Variants in TUSC3 observed in about 807,000 individuals in gnomAD.
The protein encoded by TUSC3 is dolichyl-diphosphooligosaccharide--protein glycosyltransferase subunit TUSC3.
In TUSC3, 45 loss-of-function variants were observed where a neutral mutation model predicts 44.8. The observed-to-expected ratio is 1.00, with a 90% confidence interval of 0.79 to 1.29. The LOEUF (loss-of-function observed/expected upper bound fraction) is 1.29, where lower values mean the gene tolerates loss of function less well. Among genes scored for constraint, TUSC3 ranks in the 50% most tolerant of loss-of-function variants. The probability of loss-of-function intolerance (pLI) is 0.00; values close to 1 mark genes in which losing one functional copy is unlikely to be tolerated. For synonymous variants in TUSC3, 212 were observed against 152.9 expected, an observed-to-expected ratio of 1.39 and a Z score of -2.85; for missense variants, 519 against 437.9, an observed-to-expected ratio of 1.19 and a Z score of -1.65.
intron 7 of TUSC3, among the ~76,000 whole-genome samples, chr8:15,738,827 C>CTTTCTT (rs1811047839): frequency 1.1e-5 from 1 of 87,172 alleles, no homozygotes; most frequent in South Asian, 3.8e-4. Flanking sequence ...ATATATCTTG[C>CTTTCTT]TTTTTTTTTT....
intron 1 of TUSC3, among the ~76,000 whole-genome samples, chr8:15,550,016 T>C (rs983339700): frequency 1.3e-5 from 2 of 151,672 alleles, no homozygotes; most frequent in African/African-American, 2.4e-5. Context: ...GAGAGGGTCA[T>C]GATCGATTGA....
chr8:15,617,384 C>T (rs191947539), intron 1 of TUSC3, among the ~76,000 whole-genome samples: 4 of 151,960 alleles, frequency 2.6e-5, no homozygotes, highest in East Asian at 1.9e-4. Flanking sequence ...TTGATCTGCC[C>T]GCCTAGGCTT....
intron 2 of TUSC3, among the ~76,000 whole-genome samples, chr8:15,530,021 G>T (rs543057949): frequency 7.7e-6 from 1 of 130,406 alleles, no homozygotes; most frequent in Admixed American, 7.5e-5. Flanking sequence ...TCCTGACCTC[G>T]TGATCCACCC....
chr8:15,445,610 G>C (rs1386250697), intron 1 of TUSC3, among the ~76,000 whole-genome samples: 1 of 152,212 alleles, frequency 6.6e-6, no homozygotes, highest in Non-Finnish European at 1.5e-5. Flanking sequence ...CACAGCACAT[G>C]TTTCAGAGAG....
intron 7 of TUSC3, 91 bp from the exon 8 acceptor site, chr8:15,743,444 AGTT>A: frequency 8.1e-7 from 1 of 1,230,826 alleles, no homozygotes; most frequent in East Asian, 2.3e-5. Context: ...GTGCATTTGT[AGTT>A]TAACCATTCT....
chr8:15,634,530 A>C (rs1805975127), intron 2 of TUSC3, among the ~76,000 whole-genome samples: 1 of 152,144 alleles, frequency 6.6e-6, no homozygotes, highest in Non-Finnish European at 1.5e-5. Flanking sequence ...CACTTCCATA[A>C]ATTCCGTCTT....
chr8:15,754,265 G>A (rs73197198), intron 9 of TUSC3, among the ~76,000 whole-genome samples: 1 of 151,932 alleles, frequency 6.6e-6, no homozygotes, highest in African/African-American at 2.4e-5. Context: ...AGAACATTAG[G>A]CTGTACAATA....
At chr8:15,706,838 G>C (rs926467497) in intron 6 of TUSC3, among the ~76,000 whole-genome samples, 3 of 151,850 alleles carry the variant, frequency 2.0e-5, no homozygotes, top group Admixed American at 6.6e-5. Context: ...ATGTATTTCA[G>C]CTATCAACTT....
chr8:15,541,157 A>T (rs1159288045), intron 1 of TUSC3, among the ~76,000 whole-genome samples: 1 of 152,246 alleles, frequency 6.6e-6, no homozygotes, highest in African/African-American at 2.4e-5. Context: ...CGTTGAACTC[A>T]GTGTATACTT....
At chr8:15,699,455 C>T (rs1244299933) in intron 6 of TUSC3, among the ~76,000 whole-genome samples, 1 of 152,142 alleles carries the variant, frequency 6.6e-6, no homozygotes, top group Non-Finnish European at 1.5e-5. Flanking sequence ...TTAGTGTCCA[C>T]CTGTCAGTAT....
intron 6 of TUSC3, among the ~76,000 whole-genome samples, chr8:15,729,417 A>G (rs1810624057): frequency 6.6e-6 from 1 of 152,108 alleles, no homozygotes. Context: ...AATTTTTCTA[A>G]GTCTCAGTTT....
At chr8:15,617,140 T>TGTGTGTGTGTGTGTGTGTA (rs1563136021) in intron 1 of TUSC3, among the ~76,000 whole-genome samples, 69 of 8,136 alleles carry the variant, frequency 8.5e-3, no homozygotes, top group African/African-American at 0.013. Context: ...GTGTATATAT[T>TGTGTGTGTGTGTGTGTGTA]TTTTTTTTTT....
intron 1 of TUSC3, among the ~76,000 whole-genome samples, chr8:15,427,912 G>C (rs1258347944): frequency 1.3e-5 from 2 of 152,002 alleles, no homozygotes; most frequent in African/African-American, 4.8e-5. Context: ...ATTCCATTGT[G>C]AGTTGATTTT....
At chr8:15,552,571 T>C (rs59661964) in intron 1 of TUSC3, among the ~76,000 whole-genome samples, 3,648 of 151,736 alleles carry the variant, frequency 0.024, 177 homozygotes, top group African/African-American at 0.082. Context: ...ACAGCACTGG[T>C]AAAGGTCCAG....
intron 1 of TUSC3, among the ~76,000 whole-genome samples, chr8:15,605,882 C>A (rs968058869): frequency 6.6e-6 from 1 of 151,950 alleles, no homozygotes; most frequent in African/African-American, 2.4e-5. Flanking sequence ...AGCTGCATTC[C>A]GTTGCTATTA....
chr8:15,650,559 AT>A (rs1403665621), intron 2 of TUSC3, 137 bp from the exon 3 acceptor site: 20 of 681,140 alleles, frequency 2.9e-5, no homozygotes, highest in South Asian at 7.5e-5. Context: ...TTAAAAAAAA[AT>A]ATTTTAAAAA....
At chr8:15,596,096 T>C (rs1054435328) in intron 1 of TUSC3, among the ~76,000 whole-genome samples, 1 of 152,252 alleles carries the variant, frequency 6.6e-6, no homozygotes, top group Non-Finnish European at 1.5e-5. Context: ...ATTTATTTTC[T>C]CAGAATGAGT....
Position 15,485,650 on chromosome 8 carries a change from C to T in TUSC3, n.189+2167C>T, listed in dbSNP as rs554081114. On this transcript the variant is annotated intron_variant and non_coding_transcript_variant, in intron 2 of 5. Transcript: ENST00000503191. ...TCTATCTCTACTCCAAAACCACATGCGTCAGTGCAGGGAAGAGTATGTGTT... is the reference window on the plus strand; with the variant it reads ...TCTATCTCTACTCCAAAACCACATGTGTCAGTGCAGGGAAGAGTATGTGTT... 1.1e-4 allele frequency among the ~76,000 whole-genome samples: 16 copies of T among 152,032 alleles called. No homozygotes were observed. The South Asian group carries it at 2.1e-3, about 20-fold the overall frequency.
chr8:15,782,203 T>C, the TUSC3 span, among the ~76,000 whole-genome samples: 1 of 152,054 alleles, frequency 6.6e-6, no homozygotes, highest in African/African-American at 2.4e-5. Flanking sequence ...AAAATATGAG[T>C]AAACTGGCCC....
Sources: gnomAD v4.1 joint callset for allele counts (sites outside exome capture counted in the v4.1 genomes callset) on GRCh38, gnomAD v4.1.1 for gene constraint, MANE v1.5 for transcripts, NCBI Gene and HGNC (gene_info 2026-07-23, HGNC 2026-07-21) for gene names.